Variants in APPBP2 observed in about 807,000 individuals in gnomAD.
APPBP2 encodes amyloid beta precursor protein binding protein 2.
In APPBP2, 15 loss-of-function variants were observed where a neutral mutation model predicts 76.0. That is an observed-to-expected ratio of 0.20 (90% confidence interval 0.13 to 0.30). The LOEUF is 0.30. Ranked by LOEUF, APPBP2 falls within the 10% of genes least tolerant of loss-of-function variation. The pLI is 1.00. For synonymous variants in APPBP2, 222 were observed against 242.2 expected, an observed-to-expected ratio of 0.92 and a Z score of 0.77; for missense variants, 401 against 687.2, an observed-to-expected ratio of 0.58 and a Z score of 4.66.
intron 3 of APPBP2, among the ~76,000 whole-genome samples, chr17:60,484,058 A>C (rs7223383): frequency 0.082 from 12,456 of 152,030 alleles, 1,688 homozygotes; most frequent in African/African-American, 0.28. Flanking sequence ...GGTATTATTT[A>C]TGAGGGCTGT....
At chr17:60,509,146 C>G (rs2090891674) in intron 1 of APPBP2, among the ~76,000 whole-genome samples, 1 of 151,966 alleles carries the variant, frequency 6.6e-6, no homozygotes, top group South Asian at 2.1e-4. Context: ...CTTTGGGAGG[C>G]TGAGGCAGGT....
At chr17:60,508,890 C>T (rs1404505121) in intron 1 of APPBP2, among the ~76,000 whole-genome samples, 2 of 152,136 alleles carry the variant, frequency 1.3e-5, no homozygotes, top group Non-Finnish European at 2.9e-5. Flanking sequence ...ATATACTGAT[C>T]AGCAAAATCT....
intron 4 of APPBP2, among the ~76,000 whole-genome samples, chr17:60,473,252 T>C (rs2090566404): frequency 6.6e-6 from 1 of 152,222 alleles, no homozygotes; most frequent in Admixed American, 6.5e-5. Flanking sequence ...CACACTTTTC[T>C]ATTACACAAG....
chr17:60,446,293 T>G lies in APPBP2; in HGVS notation c.*1288A>C, dbSNP rs1277194690. 2 of 152,590 alleles carry G rather than the reference T, an allele frequency of 1.3e-5. No individual in the cohort carries two copies. The highest frequency in any genetic ancestry group is 4.8e-5 in the African/African-American group (2 of 41,428). The allele number at this position is 152,590 out of a possible 1,614,324, so 9.5% of individuals were successfully genotyped here. On this transcript the variant is annotated 3_prime_UTR_variant, in exon 13 of 13. Transcript: ENST00000083182. ...TGTCACAAATTCTTAAATTTGATTA[T>G]TACCTCATCATTAAATAACCTGACT...
intron 3 of APPBP2, among the ~76,000 whole-genome samples, chr17:60,485,961 G>A (rs758807504): frequency 6.6e-6 from 1 of 152,158 alleles, no homozygotes; most frequent in Non-Finnish European, 1.5e-5. Context: ...TATTTACCCA[G>A]TAGTCATTCA....
chr17:60,480,833 G>A (rs1323019711), intron 3 of APPBP2, among the ~76,000 whole-genome samples: 1 of 152,150 alleles, frequency 6.6e-6, no homozygotes, highest in Non-Finnish European at 1.5e-5. Context: ...AGGAGGCACT[G>A]GAGAAATGGG....
chr17:60,508,581 A>G (rs2090887819), intron 1 of APPBP2, among the ~76,000 whole-genome samples: 1 of 152,174 alleles, frequency 6.6e-6, no homozygotes, highest in Non-Finnish European at 1.5e-5. Context: ...CTGAGGCAGC[A>G]TATCCTGTAA....
chr17:60,518,432 AG>A (rs2090981974), intron 1 of APPBP2, among the ~76,000 whole-genome samples: 1 of 136,488 alleles, frequency 7.3e-6, no homozygotes, highest in Non-Finnish European at 1.5e-5. Flanking sequence ...TTGAACTCTT[AG>A]GCTTAAACAA....
chr17:60,496,807 G>A (rs566281222), intron 2 of APPBP2, among the ~76,000 whole-genome samples: 118 of 152,182 alleles, frequency 7.8e-4, no homozygotes, highest in African/African-American at 2.6e-3. Context: ...TGCAACCTCC[G>A]CCTCCCGGGT....
chr17:60,473,838 G>A (rs2090570421), intron 4 of APPBP2, among the ~76,000 whole-genome samples: 1 of 152,276 alleles, frequency 6.6e-6, no homozygotes, highest in African/African-American at 2.4e-5. Context: ...TCATCTGACA[G>A]TTTTTATTTT....
chr17:60,480,494 A>G (rs2090620641), intron 3 of APPBP2, among the ~76,000 whole-genome samples: 1 of 152,212 alleles, frequency 6.6e-6, no homozygotes, highest in Non-Finnish European at 1.5e-5. Context: ...GTATTAATGT[A>G]TGAGTTGACA....
chr17:60,465,621 C>T (rs957909095), intron 5 of APPBP2, among the ~76,000 whole-genome samples: 1 of 152,090 alleles, frequency 6.6e-6, no homozygotes, highest in Non-Finnish European at 1.5e-5. Context: ...GTAATCCCAG[C>T]ACTTCAGGAG....
intron 8 of APPBP2, 115 bp from the exon 9 acceptor site, chr17:60,460,902 C>A: frequency 2.0e-6 from 2 of 987,888 alleles, no homozygotes; most frequent in Non-Finnish European, 2.7e-6. Context: ...AATTTTGAAG[C>A]CCAGAAAGTC....
At position 60,518,557 on chromosome 17, in the gene APPBP2, G is replaced by T. The variant is rs1008783288; in HGVS notation, c.138+7237C>A. On this transcript the variant is annotated intron_variant, in intron 1 of 12. Coordinates refer to ENST00000083182, the MANE Select transcript of APPBP2 (RefSeq NM_006380.5). ...GAGAGAGAGACAGGGTCTCACTCTG[G>T]AGGCTGAGAGTGCAGTGTCATGATA... Among the ~76,000 whole-genome samples, 3 of 151,600 alleles carry T rather than the reference G, an allele frequency of 2.0e-5. No individual in the cohort carries two copies. The East Asian group carries it at 5.8e-4, about 29-fold the overall frequency.
chr17:60,507,204 A>C (rs8070975), intron 1 of APPBP2, among the ~76,000 whole-genome samples: 12,376 of 150,660 alleles, frequency 0.082, 1,676 homozygotes, highest in African/African-American at 0.29. Context: ...AATCCTTGCC[A>C]CATTAAATAT....
intron 4 of APPBP2, among the ~76,000 whole-genome samples, chr17:60,476,338 A>G (rs1287224689): frequency 1.3e-5 from 2 of 152,202 alleles, no homozygotes; most frequent in African/African-American, 4.8e-5. Context: ...TCAGGCTCAA[A>G]GCCCCTGGGA....
chr17:60,494,759 C>T, intron 2 of APPBP2, 142 bp from the exon 3 acceptor site: 1 of 752,136 alleles, frequency 1.3e-6, no homozygotes, highest in South Asian at 2.3e-5. Context: ...TTATCAATTA[C>T]AAGGCCATAA....
chr17:60,523,598 G>A (rs994345207), intron 1 of APPBP2, among the ~76,000 whole-genome samples: 3 of 152,162 alleles, frequency 2.0e-5, no homozygotes, highest in African/African-American at 7.2e-5. Context: ...GTAGGCTGAG[G>A]CAGGAGGATA....
In APPBP2 at chr17:60,451,972, G is replaced by A. The variant is rs1249302777; in HGVS notation, c.1412C>T (p.Ala471Val). The change falls in exon 12 of 13, where the codon GCC (alanine) becomes GTC (valine). Residue 471 changes from alanine to valine, a missense_variant. By Grantham distance (64) the Ala-to-Val change is moderately conservative. Around this residue, in one of 5 missense-constraint regions of APPBP2, gnomAD observed 130 missense variants for 322.7 expected, o/e 0.40. Transcript: ENST00000083182. ...QLLGQEDYEV[A>V]LSVGHLASLY... Reference sequence around the variant, plus strand: ...AGAAGCCAGATGTCCCACTGAAAGGGCTACTTCATAATCTTCTTGACCAAG... The same window carrying A: ...AGAAGCCAGATGTCCCACTGAAAGGACTACTTCATAATCTTCTTGACCAAG... 1 of 1,613,658 alleles carries A rather than the reference G, an allele frequency of 6.2e-7. No homozygotes were observed. The highest frequency in any genetic ancestry group is 8.5e-7 in the Non-Finnish European group (1 of 1,179,720).
Sources: gnomAD v4.1 joint callset for allele counts (sites outside exome capture counted in the v4.1 genomes callset) on GRCh38, gnomAD v4.1.1 for gene constraint, gnomAD v4.1.1 regional missense constraint, MANE v1.5 for transcripts, NCBI Gene and HGNC (gene_info 2026-07-23, HGNC 2026-07-21) for gene names.